Variants in CFAP73 observed in about 807,000 individuals in gnomAD.
CFAP73 encodes cilia- and flagella-associated protein 73.
Under a neutral mutation model 42.9 loss-of-function variants are expected in CFAP73, and 33 were observed. That is an observed-to-expected ratio of 0.77 (90% CI 0.58 to 1.03). CFAP73 has a LOEUF of 1.03. Ranked by LOEUF, CFAP73 falls within the 50% of genes least tolerant of loss-of-function variation. The probability of loss-of-function intolerance (pLI) is 0.00; values close to 1 mark genes in which losing one functional copy is unlikely to be tolerated. For missense variants in CFAP73, 392 were observed against 411.9 expected, an observed-to-expected ratio of 0.95 and a Z score of 0.42; for synonymous variants, 162 against 186.8, an observed-to-expected ratio of 0.87 and a Z score of 1.08.
In CFAP73 at chr12:113,151,851, C is replaced by G. The variant is rs1952064969; in HGVS notation, c.57-67C>G. The G allele has an allele frequency of 3.6e-6, 4 of 1,116,044 alleles. No homozygotes were observed. The South Asian group carries it at 4.2e-5, about 12-fold the overall frequency. 69.1% of individuals were successfully genotyped at this position (1,116,044 alleles called of 1,614,324 possible). A position where few individuals can be genotyped will look rare whatever the true frequency, so the allele number is the denominator to read the frequency against. The stretch of plus-strand genomic sequence containing the variant: ...GGTGGCTAATGGGGCACTCCAGACA[C>G]AGTGGTGAGATGTGGGGCCCTGAAA... On this transcript the variant is annotated intron_variant, in intron 1 of 7. Coordinates refer to ENST00000335621, the MANE Select transcript of CFAP73 (RefSeq NM_001144872.3).
rs1409351009 is a variant in CFAP73 at position 113,154,449 on chromosome 12, C to T, written c.504C>T (p.Asp168=). The change falls in exon 5 of 8, where the codon GAC becomes GAT. Residue 168 remains aspartate, a synonymous_variant. Coordinates refer to ENST00000335621, the MANE Select transcript of CFAP73 (RefSeq NM_001144872.3). The surrounding 1 kb of genome is among the most constrained non-coding windows in gnomAD (Gnocchi z 4.7). ...QEVPELVARF[D]GLAETQAALR... ...TTCCGGAGCTGGTGGCGCGCTTCGA[C>T]GGCCTGGCCGAGACGCAGGCGGCGC... 1 of 1,546,916 alleles carries T rather than the reference C, an allele frequency of 6.5e-7. No homozygotes were observed.
chr12:113,158,570 CCAT>C lies in CFAP73; in HGVS notation c.*12-130_*12-128del. The C allele has an allele frequency of 1.7e-5, 6 of 356,760 alleles. No individual in the cohort carries two copies. Among genetic ancestry groups the C allele is most frequent in the Non-Finnish European group, 3.0e-5 (6 of 199,094 alleles). 22.1% of individuals were successfully genotyped at this position (356,760 alleles called of 1,614,324 possible). ...GCACTCAGGGCTCTGACCGGTGCAG[CCAT>C]GACCTCTGAACCCAGAACACATGGA... On this transcript the variant is annotated intron_variant, in intron 7 of 7. Transcript: ENST00000335621. The surrounding 1 kb of genome is among the most constrained non-coding windows in gnomAD (Gnocchi z 4.9).
Position 113,158,148 on chromosome 12 carries a change from G to C in CFAP73, c.*11+458G>C, listed in dbSNP as rs918229381. The C allele has an allele frequency of 1.2e-5, 2 of 168,418 alleles. No homozygotes were observed. The highest frequency in any genetic ancestry group is 4.7e-5 in the African/African-American group (2 of 42,248). The allele number at this position is 168,418 out of a possible 1,614,324, so 10.4% of individuals were successfully genotyped here. ...TCAAACAGGGGGTGGGTGGCAAGAA[G>C]ACAGAGGACAGGCCAGGTTCTGACC... On this transcript the variant is annotated intron_variant, in intron 7 of 7. Coordinates refer to ENST00000335621, the MANE Select transcript of CFAP73 (RefSeq NM_001144872.3). This position sits in a 1 kb window ranked among gnomAD's most constrained non-coding sequence, Gnocchi z 4.9.
chr12:113,154,536 G>A lies in CFAP73; in HGVS notation c.591G>A (p.Gln197=), dbSNP rs1445293731. ...ELEAARARLQ[Q]LRDAWPDEVL... ...AGGCGGCGCGAGCGCGGCTGCAGCA[G>A]CTGCGGGACGCCTGGCCGGACGAGG... The change falls in exon 5 of 8, where the codon CAG becomes CAA. Residue 197 remains glutamine (Q), a synonymous_variant. Coordinates refer to ENST00000335621, the MANE Select transcript of CFAP73 (RefSeq NM_001144872.3). This position sits in a 1 kb window ranked among gnomAD's most constrained non-coding sequence, Gnocchi z 4.7. 1 of 1,490,348 alleles carries A rather than the reference G, an allele frequency of 6.7e-7. No homozygotes were observed. The highest frequency in any genetic ancestry group is 2.7e-5 in the East Asian group (1 of 37,266). 92.3% of individuals were successfully genotyped at this position (1,490,348 alleles called of 1,614,324 possible). A position where few individuals can be genotyped will look rare whatever the true frequency, so the allele number is the denominator to read the frequency against.
At chr12:113,151,298 A>G (rs1165698086) in intron 1 of CFAP73, among the ~76,000 whole-genome samples, 1 of 152,198 alleles carries the variant, frequency 6.6e-6, no homozygotes, top group Non-Finnish European at 1.5e-5. Context: ...CCTAGCCAAC[A>G]TGGTGAAACC....
rs1368955005 is a variant in CFAP73 at position 113,149,914 on chromosome 12, G to GT, written c.56+2dup. ...TGGCTTTGCAAGAGAAACTGTCTAC[G>GT]TGAGTGGGACGTAGAGGGAGGGAGG... On this transcript the variant is annotated splice_donor_variant, in intron 1 of 7. Coordinates refer to ENST00000335621, the MANE Select transcript of CFAP73 (RefSeq NM_001144872.3). LOFTEE classifies it high-confidence loss of function. 1.3e-6 allele frequency: 2 copies of GT among 1,551,276 alleles called. No homozygotes were observed. The highest frequency in any genetic ancestry group is 2.7e-5 in the African/African-American group (2 of 73,038).
chr12:113,156,047 A>G (rs1592992018), intron 6 of CFAP73, among the ~76,000 whole-genome samples: 1 of 150,976 alleles, frequency 6.6e-6, no homozygotes, highest in Non-Finnish European at 1.5e-5. Context: ...CAGCCTCTCG[A>G]GTAGTTGGGA....
At chr12:113,152,477 A>G (rs757012084) in intron 2 of CFAP73, among the ~76,000 whole-genome samples, 1 of 152,282 alleles carries the variant, frequency 6.6e-6, no homozygotes, top group Non-Finnish European at 1.5e-5. Flanking sequence ...AAACAGGCAG[A>G]GGAAAACCAT....
rs1952113524 is a variant in CFAP73 at position 113,155,530 on chromosome 12, A to G, written c.849+112A>G. 5.9e-6 allele frequency: 7 copies of G among 1,194,274 alleles called. No individual in the cohort carries two copies. The South Asian group carries it at 1.2e-4, about 20-fold the overall frequency. 74.0% of individuals were successfully genotyped at this position (1,194,274 alleles called of 1,614,324 possible). A position where few individuals can be genotyped will look rare whatever the true frequency, so the allele number is the denominator to read the frequency against. On this transcript the variant is annotated intron_variant, in intron 6 of 7. Transcript: ENST00000335621. The stretch of plus-strand genomic sequence containing the variant: ...TTCTCTGGGTTAAGCATGGCCCTCT[A>G]CGGTCAGAGCCCTTGCCCCAGCCGT...
Position 113,154,659 on chromosome 12 carries a change from G to A in CFAP73, c.690+24G>A. On this transcript the variant is annotated intron_variant, in intron 5 of 7. Transcript: ENST00000335621. This position sits in a 1 kb window ranked among gnomAD's most constrained non-coding sequence, Gnocchi z 4.7. ...GGGTACGACCCGCCCTAGGTGGGGG[G>A]CGCTCCGGACCCCAGGCTTCCACAG... 1 of 1,383,934 alleles carries A rather than the reference G, an allele frequency of 7.2e-7. No individual in the cohort carries two copies. The highest frequency in any genetic ancestry group is 9.3e-7 in the Non-Finnish European group (1 of 1,078,254). 85.7% of individuals were successfully genotyped at this position (1,383,934 alleles called of 1,614,324 possible). A position where few individuals can be genotyped will look rare whatever the true frequency, so the allele number is the denominator to read the frequency against.
At position 113,158,706 on chromosome 12, in the gene CFAP73, C is replaced by A. The variant is rs577667023; in HGVS notation, c.*17C>A. 3.2e-5 allele frequency: 23 copies of A among 727,104 alleles called. No individual in the cohort carries two copies. The African/African-American group carries it at 4.1e-4, about 13-fold the overall frequency. 45.0% of individuals were successfully genotyped at this position (727,104 alleles called of 1,614,324 possible). A position where few individuals can be genotyped will look rare whatever the true frequency, so the allele number is the denominator to read the frequency against. ...TTCAAATGTCTCTGTCTTAGGCTGA[C>A]GCAGCTGCTGCCCTTCTGTGGCCAT... On this transcript the variant is annotated 3_prime_UTR_variant, in exon 8 of 8. Transcript: ENST00000335621. The surrounding 1 kb of genome is among the most constrained non-coding windows in gnomAD (Gnocchi z 4.9).
At position 113,154,507 on chromosome 12, in the gene CFAP73, C is replaced by T. The variant is rs1306194259; in HGVS notation, c.562C>T (p.Leu188=). ...RLREREQLAE[L]EAARARLQQL... ...CAGGGAGCGCGAGCAGCTCGCGGAG[C>T]TGGAGGCGGCGCGAGCGCGGCTGCA... The change falls in exon 5 of 8, where the codon CTG becomes TTG. Residue 188 remains leucine (L), a synonymous_variant. Transcript: ENST00000335621. The surrounding 1 kb of genome is among the most constrained non-coding windows in gnomAD (Gnocchi z 4.7). The T allele has an allele frequency of 2.4e-5, 36 of 1,525,590 alleles. No individual in the cohort carries two copies. Among genetic ancestry groups the T allele is most frequent in the Non-Finnish European group, 3.2e-5 (36 of 1,139,358 alleles). The allele number at this position is 1,525,590 out of a possible 1,614,324, so 94.5% of individuals were successfully genotyped here. A position where few individuals can be genotyped will look rare whatever the true frequency, so the allele number is the denominator to read the frequency against.
At position 113,154,248 on chromosome 12, in the gene CFAP73, A is replaced by G. The variant is rs561324014; in HGVS notation, c.469-166A>G. Among the ~76,000 whole-genome samples, 14 of 152,326 alleles carry G rather than the reference A, an allele frequency of 9.2e-5. No individual in the cohort carries two copies. In the East Asian group the frequency reaches 2.7e-3, roughly 29 times the overall value. Reference sequence around the variant, plus strand: ...AGCTATGATCGCGCCACTGCACTCCAGCCCAGGTGACAGAGCGAGACCTTG... The same window carrying G: ...AGCTATGATCGCGCCACTGCACTCCGGCCCAGGTGACAGAGCGAGACCTTG... On this transcript the variant is annotated intron_variant, in intron 4 of 7. Coordinates refer to ENST00000335621, the MANE Select transcript of CFAP73 (RefSeq NM_001144872.3). The surrounding 1 kb of genome is among the most constrained non-coding windows in gnomAD (Gnocchi z 4.7).
At chr12:113,153,469 G>A (rs1252298187) in intron 4 of CFAP73, 61 bp downstream of exon 4, 14 of 1,289,394 alleles carry the variant, frequency 1.1e-5, no homozygotes, top group Non-Finnish European at 1.4e-5. Flanking sequence ...GTGGCTCAGG[G>A]ACGGCTTCGG....
At chr12:113,155,744 C>G (rs1453251784) in intron 6 of CFAP73, among the ~76,000 whole-genome samples, 1 of 152,138 alleles carries the variant, frequency 6.6e-6, no homozygotes, top group African/African-American at 2.4e-5. Context: ...CTGAGTCCCT[C>G]TTTTCTCACA....
chr12:113,152,909 G>C (rs1369561505), intron 3 of CFAP73, 22 bp downstream of exon 3: 3 of 1,505,364 alleles, frequency 2.0e-6, no homozygotes, highest in South Asian at 2.4e-5. Context: ...CTCCTGGGGG[G>C]GAGGCGGGGC....
In CFAP73 at chr12:113,152,899, C is replaced by A; in HGVS notation, c.267+12C>A. On this transcript the variant is annotated intron_variant, in intron 3 of 7. Transcript: ENST00000335621. ...ACAAGTTTTTGCAGGTAGGTGGAGCCTCCTGGGGGGGAGGCGGGGCCTATG... is the reference window on the plus strand; with the variant it reads ...ACAAGTTTTTGCAGGTAGGTGGAGCATCCTGGGGGGGAGGCGGGGCCTATG... The A allele has an allele frequency of 6.5e-7, 1 of 1,533,910 alleles. No individual in the cohort carries two copies. The highest frequency in any genetic ancestry group is 1.2e-5 in the South Asian group (1 of 83,742).
Position 113,157,684 on chromosome 12 carries a change from GAC to G in CFAP73, c.*9_*10del. On this transcript the variant is annotated 3_prime_UTR_variant, in exon 7 of 8. Transcript: ENST00000335621. ...CCTGCAGCCCCTGCCTCCTAGCCCTGACACAGGTGAGCAGCGGGAGAGGGAAC... is the reference window on the plus strand; with the variant it reads ...CCTGCAGCCCCTGCCTCCTAGCCCTGACAGGTGAGCAGCGGGAGAGGGAAC... The G allele has an allele frequency of 6.4e-7, 1 of 1,551,202 alleles. No homozygotes were observed. The highest frequency in any genetic ancestry group is 8.7e-7 in the Non-Finnish European group (1 of 1,146,766).
At chr12:113,157,750 A>C (rs112274118) in intron 7 of CFAP73, 60 bp downstream of exon 7, 16 of 1,247,640 alleles carry the variant, frequency 1.3e-5, no homozygotes, top group Admixed American at 5.9e-5. Context: ...CACATTTCCA[A>C]TGGGGTGTGG....
Sources: allele counts gnomAD v4.1 joint callset (sites outside exome capture counted in the v4.1 genomes callset), GRCh38; gene constraint gnomAD v4.1.1; non-coding constraint Gnocchi (gnomAD v3.1); transcripts MANE v1.5; gene names NCBI Gene and HGNC (gene_info 2026-07-23, HGNC 2026-07-21).